Variants in SYNPO2 observed in about 807,000 individuals in gnomAD.
The protein encoded by SYNPO2 is synaptopodin-2.
SYNPO2 carries 56 observed loss-of-function variants against 85.0 expected under a neutral mutation model. That is an observed-to-expected ratio of 0.66 (90% confidence interval 0.53 to 0.82). SYNPO2 has a LOEUF of 0.82. SYNPO2 is among the 40% of genes least tolerant of loss of function. The probability of loss-of-function intolerance (pLI) is 0.00; values close to 1 mark genes in which losing one functional copy is unlikely to be tolerated. For missense variants in SYNPO2, 1,575 were observed against 1,534.2 expected (o/e 1.03, Z -0.44); for synonymous variants, 602 against 591.1 (o/e 1.02, Z -0.27).
intron 1 of SYNPO2, among the ~76,000 whole-genome samples, chr4:118,925,493 G>A (rs773841621): frequency 6.6e-6 from 1 of 151,930 alleles, no homozygotes; most frequent in African/African-American, 2.4e-5. Flanking sequence ...GTCCACCTTA[G>A]TACAAGCCCC....
chr4:118,865,572 G>A (rs561898516), intron 1 of SYNPO2, among the ~76,000 whole-genome samples: 1 of 152,330 alleles, frequency 6.6e-6, no homozygotes, highest in South Asian at 2.1e-4. Flanking sequence ...GGTTATGACT[G>A]AAGAAAGATC....
intron 4 of SYNPO2, chr4:119,035,180 G>C: frequency 1.0e-6 from 1 of 985,398 alleles, no homozygotes; most frequent in East Asian, 1.1e-4. Context: ...CTTTCTGCAG[G>C]ACCTTAAACA....
intron 1 of SYNPO2, among the ~76,000 whole-genome samples, chr4:118,857,334 A>G (rs1731523985): frequency 6.6e-6 from 1 of 152,208 alleles, no homozygotes; most frequent in East Asian, 1.9e-4. Flanking sequence ...ACGTACAGCA[A>G]CACCATTCCC....
At chr4:118,987,979 A>G (rs1271490962) in intron 1 of SYNPO2, among the ~76,000 whole-genome samples, 1 of 152,192 alleles carries the variant, frequency 6.6e-6, no homozygotes, top group Non-Finnish European at 1.5e-5. Context: ...ATTCTCAATA[A>G]ATATTAAAAT....
chr4:119,007,098 C>T (rs1737057606), intron 1 of SYNPO2, among the ~76,000 whole-genome samples: 2 of 149,466 alleles, frequency 1.3e-5, no homozygotes, highest in South Asian at 2.1e-4. Flanking sequence ...GGCTTACAAA[C>T]AATTCTCTCC....
intron 1 of SYNPO2, among the ~76,000 whole-genome samples, chr4:118,940,077 C>T (rs549594170): frequency 6.6e-6 from 1 of 151,782 alleles, no homozygotes; most frequent in South Asian, 2.1e-4. Context: ...CCTCCGCCTC[C>T]CGGGTTCAAG....
At chr4:119,006,496 A>C (rs984542874) in intron 1 of SYNPO2, 5 of 152,326 alleles carry the variant, frequency 3.3e-5, no homozygotes, top group East Asian at 1.9e-4. Context: ...TTTATAAACT[A>C]CAGCTGCCTT....
chr4:119,015,678 T>TATC (rs1419918597), intron 1 of SYNPO2, among the ~76,000 whole-genome samples: 3 of 152,194 alleles, frequency 2.0e-5, no homozygotes, highest in African/African-American at 7.2e-5. Flanking sequence ...TTCCTAAAGA[T>TATC]ATCACGTGTT....
At chr4:118,977,044 C>G (rs957892850) in intron 1 of SYNPO2, among the ~76,000 whole-genome samples, 2 of 152,228 alleles carry the variant, frequency 1.3e-5, no homozygotes, top group African/African-American at 4.8e-5. Flanking sequence ...CGGCGCCGTG[C>G]GCTCGCATTC....
At chr4:118,982,165 G>GT (rs201397319) in intron 1 of SYNPO2, among the ~76,000 whole-genome samples, 32 of 149,678 alleles carry the variant, frequency 2.1e-4, no homozygotes, top group Admixed American at 3.3e-4. Context: ...TGGTTGCAAA[G>GT]TTTTTTTTTT....
intron 1 of SYNPO2, among the ~76,000 whole-genome samples, chr4:119,000,638 C>T (rs1182579510): frequency 1.2e-4 from 18 of 152,160 alleles, no homozygotes; most frequent in Admixed American, 1.2e-3. Flanking sequence ...TGTGCTGCCA[C>T]CTTCATACCA....
intron 4 of SYNPO2, chr4:119,038,559 G>A: frequency 1.0e-6 from 1 of 985,402 alleles, no homozygotes; most frequent in Non-Finnish European, 1.2e-6. Context: ...TTAACTAAAT[G>A]TAACTCAGGG....
intron 1 of SYNPO2, among the ~76,000 whole-genome samples, chr4:118,867,813 A>G (rs1731727349): frequency 6.6e-6 from 1 of 152,168 alleles, no homozygotes; most frequent in Admixed American, 6.5e-5. Context: ...TTTAGATCTA[A>G]AGCAAAGTAT....
chr4:118,874,858 G>C (rs1363449449), intron 1 of SYNPO2, among the ~76,000 whole-genome samples: 1 of 152,148 alleles, frequency 6.6e-6, no homozygotes, highest in African/African-American at 2.4e-5. Context: ...CATGACTGTA[G>C]TTTTTTCCAA....
At chr4:118,899,841 A>G (rs1380869714) in intron 1 of SYNPO2, among the ~76,000 whole-genome samples, 1 of 152,184 alleles carries the variant, frequency 6.6e-6, no homozygotes, top group Admixed American at 6.6e-5. Flanking sequence ...GGCCCACTGC[A>G]ACCTCTGCCT....
chr4:118,965,552 A>T (rs1560919792), intron 1 of SYNPO2, among the ~76,000 whole-genome samples: 1 of 152,070 alleles, frequency 6.6e-6, no homozygotes, highest in South Asian at 2.1e-4. Flanking sequence ...GGAGACTTTT[A>T]TGTTCCAGGA....
chr4:118,994,815 A>G (rs1393734388), intron 1 of SYNPO2, among the ~76,000 whole-genome samples: 1 of 152,216 alleles, frequency 6.6e-6, no homozygotes, highest in Non-Finnish European at 1.5e-5. Context: ...TGGGTATTTA[A>G]TTTTTAAAAT....
chr4:119,023,620 G>T (rs1178341878), intron 2 of SYNPO2, 39 bp downstream of exon 2: 1 of 1,589,668 alleles, frequency 6.3e-7, no homozygotes, highest in Non-Finnish European at 8.6e-7. Context: ...TTCTCTTGAA[G>T]CTACATGGGA....
At chr4:118,965,890 C>T (rs1418099822) in intron 1 of SYNPO2, among the ~76,000 whole-genome samples, 1 of 151,356 alleles carries the variant, frequency 6.6e-6, no homozygotes, top group Non-Finnish European at 1.5e-5. Flanking sequence ...CAAGACCCGA[C>T]TGGGCAAAAT....
Sources: gnomAD v4.1 joint callset for allele counts (sites outside exome capture counted in the v4.1 genomes callset) on GRCh38, gnomAD v4.1.1 for gene constraint, MANE v1.5 for transcripts, NCBI Gene and HGNC (gene_info 2026-07-23, HGNC 2026-07-21) for gene names.